RMDN1: variants seen among roughly 807,000 people sequenced by gnomAD.
The protein encoded by RMDN1 is regulator of microtubule dynamics 1, also known as regulator of microtubule dynamics protein 1.
In RMDN1, 48 loss-of-function variants were observed where a neutral mutation model predicts 48.9. That is an observed-to-expected ratio of 0.98 (90% confidence interval 0.78 to 1.25). RMDN1 has a LOEUF of 1.25. Among genes scored for constraint, RMDN1 ranks in the 50% most tolerant of loss-of-function variants. The pLI is 0.00. For missense variants in RMDN1, 418 were observed against 373.4 expected (o/e 1.12, Z -0.98); for synonymous variants, 148 against 132.6 (o/e 1.12, Z -0.80).
intron 3 of RMDN1, among the ~76,000 whole-genome samples, 165 bp downstream of exon 3, chr8:86,488,387 C>T (rs1331698335): frequency 2.6e-5 from 4 of 151,980 alleles, no homozygotes; most frequent in African/African-American, 7.2e-5. Flanking sequence ...CAGCATTTAA[C>T]GTAAGAAACA....
chr8:86,498,258 T>TAA (rs141809264), intron 2 of RMDN1, among the ~76,000 whole-genome samples: 1,746 of 144,976 alleles, frequency 0.012, 22 homozygotes, highest in South Asian at 0.016. Flanking sequence ...GAATCAGTAG[T>TAA]AAAAAAAAAA....
Position 86,473,804 on chromosome 8 carries a change from C to T in RMDN1, c.*504G>A. 1 of 979,664 alleles carries T rather than the reference C, an allele frequency of 1.0e-6. No homozygotes were observed. Among genetic ancestry groups the T allele is most frequent in the South Asian group, 4.7e-5 (1 of 21,204 alleles). 60.7% of individuals were successfully genotyped at this position (979,664 alleles called of 1,614,324 possible). A position where few individuals can be genotyped will look rare whatever the true frequency, so the allele number is the denominator to read the frequency against. On this transcript the variant is annotated 3_prime_UTR_variant, in exon 10 of 10. Coordinates refer to ENST00000406452, the MANE Select transcript of RMDN1 (RefSeq NM_016033.3). ...AGGAAACTACTCCATTTTTAGTCAT[C>T]TCCTTACTTAGTTCTTTACTTACAC...
At chr8:86,495,643 C>A (rs1243399438) in intron 2 of RMDN1, among the ~76,000 whole-genome samples, 1 of 152,152 alleles carries the variant, frequency 6.6e-6, no homozygotes, top group Admixed American at 6.5e-5. Flanking sequence ...GTAGGCAGCA[C>A]AGCCTCAGCT....
rs1299283707 is a variant in RMDN1, at chr8:86,504,359, A to G, written c.247+2636T>C. 3 of 1,572,568 alleles carry G rather than the reference A, an allele frequency of 1.9e-6. No homozygotes were observed. In the East Asian group the frequency reaches 6.7e-5, roughly 35 times the overall value. Reference sequence around the variant, plus strand: ...CAAGAAAAGCAAGTCACCGTGCTGGAGTTCTTTAGAGTATCCAGCTACCAA... The same window carrying G: ...CAAGAAAAGCAAGTCACCGTGCTGGGGTTCTTTAGAGTATCCAGCTACCAA... On this transcript the variant is annotated intron_variant, in intron 2 of 9. Coordinates refer to ENST00000406452, the MANE Select transcript of RMDN1 (RefSeq NM_016033.3).
chr8:86,472,472 C>T lies in RMDN1; in HGVS notation c.*1836G>A. The T allele has an allele frequency of 2.8e-6, 2 of 702,550 alleles. No individual in the cohort carries two copies. Among genetic ancestry groups the T allele is most frequent in the Non-Finnish European group, 5.2e-6 (2 of 384,986 alleles). The allele number at this position is 702,550 out of a possible 1,614,324, so 43.5% of individuals were successfully genotyped here. On this transcript the variant is annotated 3_prime_UTR_variant, in exon 10 of 10. Coordinates refer to ENST00000406452, the MANE Select transcript of RMDN1 (RefSeq NM_016033.3). Reference sequence around the variant, plus strand: ...CCTGGCCCTTCAGCTGCTTCTGTTTCTCTTCACCTACAAAAATAAAATTAC... The same window carrying T: ...CCTGGCCCTTCAGCTGCTTCTGTTTTTCTTCACCTACAAAAATAAAATTAC...
At chr8:86,504,495 C>T in intron 2 of RMDN1, 1 of 1,533,278 alleles carries the variant, frequency 6.5e-7, no homozygotes, top group South Asian at 1.1e-5. Context: ...TTCAAGAGCC[C>T]ATCTATGCCA....
intron 2 of RMDN1, among the ~76,000 whole-genome samples, chr8:86,498,796 G>T (rs932394221): frequency 9.2e-5 from 14 of 151,976 alleles, no homozygotes; most frequent in African/African-American, 3.4e-4. Context: ...AAAGAAAAAA[G>T]AATATAAACA....
chr8:86,470,035 A>G (rs1812408044), downstream of RMDN1: 1 of 432,316 alleles, frequency 2.3e-6, no homozygotes, highest in Non-Finnish European at 3.1e-6. Flanking sequence ...ATGATTAAAA[A>G]CTCAGTTGAG....
At chr8:86,497,700 CAAA>C (rs1213399491) in intron 2 of RMDN1, among the ~76,000 whole-genome samples, 5 of 68,240 alleles carry the variant, frequency 7.3e-5, no homozygotes, top group Admixed American at 1.6e-4. Context: ...GACACTATCT[CAAA>C]AAAAAAAAAA....
intron 8 of RMDN1, among the ~76,000 whole-genome samples, chr8:86,476,080 G>A (rs1189816325): frequency 1.3e-5 from 2 of 152,266 alleles, no homozygotes; most frequent in East Asian, 3.9e-4. Context: ...AGGCCAGAAA[G>A]AAATAAGGTA....
intron 2 of RMDN1, among the ~76,000 whole-genome samples, chr8:86,505,878 T>G (rs569911996): frequency 2.6e-5 from 4 of 152,350 alleles, no homozygotes. Flanking sequence ...AACTCTTAAT[T>G]TCCCATAAAA....
downstream of RMDN1, chr8:86,470,293 G>C (rs1031193538): frequency 2.2e-5 from 28 of 1,289,248 alleles, no homozygotes; most frequent in Non-Finnish European, 2.8e-5. Context: ...AGAACAATCA[G>C]GTGGGGGCTG....
In RMDN1 at chr8:86,503,362, AAAACAAAACAAAAAAAAAAAAAAAAAAC is replaced by A. The variant is rs1462956685; in HGVS notation, c.247+3605_247+3632del. ...GCAAGACTCCGTCTCAAAACAAAAC[AAAACAAAACAAAAAAAAAAAAAAAAAAC>A]AAAAAAAAATAACAAAAATAACTTG... is the stretch of plus-strand genomic sequence containing the variant. On this transcript the variant is annotated intron_variant, in intron 2 of 9. Coordinates refer to ENST00000406452, the MANE Select transcript of RMDN1 (RefSeq NM_016033.3). Among the ~76,000 whole-genome samples the A allele has an allele frequency of 2.7e-4, 28 of 102,914 alleles. 1 individual carries two copies. Among genetic ancestry groups the A allele is most frequent in the African/African-American group, 8.6e-4 (24 of 27,878 alleles). 67.5% of individuals were successfully genotyped at this position (102,914 alleles called of 152,430 possible). A position where few individuals can be genotyped will look rare whatever the true frequency, so the allele number is the denominator to read the frequency against.
chr8:86,468,829 C>A (rs535400812), downstream of RMDN1: 6 of 403,284 alleles, frequency 1.5e-5, no homozygotes, highest in Non-Finnish European at 2.9e-5. Context: ...CAGTAGCAGT[C>A]AGAAAAACTG....
At chr8:86,507,278 G>A (rs1039847060) in intron 1 of RMDN1, among the ~76,000 whole-genome samples, 166 bp from the exon 2 acceptor site, 5 of 152,052 alleles carry the variant, frequency 3.3e-5, no homozygotes, top group African/African-American at 4.8e-5. Context: ...ATCTCAAAGC[G>A]TATCTTATTG....
downstream of RMDN1, among the ~76,000 whole-genome samples, chr8:86,469,475 G>C (rs1586549417): frequency 1.3e-5 from 2 of 152,280 alleles, no homozygotes; most frequent in African/African-American, 4.8e-5. Flanking sequence ...ACCGTGAGCT[G>C]TCACCTGGGG....
intron 2 of RMDN1, chr8:86,504,980 G>A: frequency 6.9e-7 from 1 of 1,445,802 alleles, no homozygotes; most frequent in South Asian, 1.1e-5. Flanking sequence ...TTAAAAGGCA[G>A]GCACATGGTG....
In RMDN1 at chr8:86,474,905, T is replaced by G; in HGVS notation, c.809A>C (p.Tyr270Ser). 2 of 1,612,788 alleles carry G rather than the reference T, an allele frequency of 1.2e-6. No individual in the cohort carries two copies. The highest frequency in any genetic ancestry group is 1.7e-6 in the Non-Finnish European group (2 of 1,179,444). ...SKNLLLLGKT[Y>S]LKLHNKKLAA... ...AAGCTTTTTGTTGTGTAGTTTCAAG[T>G]ATGTCTTTCCTAAAAGAAGTAAGTT... Residue 270 changes from tyrosine (Y) to serine (S), a missense_variant, in exon 9 of 10, where the codon TAC becomes TCC. Tyr to Ser is a moderately radical substitution (Grantham distance 144). Coordinates refer to ENST00000406452, the MANE Select transcript of RMDN1 (RefSeq NM_016033.3).
chr8:86,469,188 C>CG (rs1812343849), downstream of RMDN1, among the ~76,000 whole-genome samples: 1 of 151,132 alleles, frequency 6.6e-6, no homozygotes, highest in Admixed American at 6.6e-5. Flanking sequence ...TTGTCCCGCC[C>CG]CCCCCATGTA....
Sources: gnomAD v4.1 joint callset for allele counts (sites outside exome capture counted in the v4.1 genomes callset) on GRCh38, gnomAD v4.1.1 for gene constraint, MANE v1.5 for transcripts, NCBI Gene and HGNC (gene_info 2026-07-23, HGNC 2026-07-21) for gene names.